Variants in ARHGAP20 observed in about 807,000 individuals in gnomAD.
ARHGAP20 encodes rho GTPase-activating protein 20.
In ARHGAP20, 34 loss-of-function variants were observed where a neutral mutation model predicts 73.7. That is an observed-to-expected ratio of 0.46 (90% CI 0.35 to 0.61). ARHGAP20 has a LOEUF of 0.61. ARHGAP20 is among the 20% of genes least tolerant of loss of function. The pLI is 0.00. For synonymous variants in ARHGAP20, 523 were observed against 518.2 expected (o/e 1.01, Z -0.13); for missense variants, 1,314 against 1,420.9 (o/e 0.92, Z 1.21).
intron 4 of ARHGAP20, among the ~76,000 whole-genome samples, chr11:110,616,889 T>G (rs1948496579): frequency 6.6e-6 from 1 of 152,118 alleles, no homozygotes; most frequent in African/African-American, 2.4e-5. Context: ...TAAAGAAAAT[T>G]GCCCCTTTAA....
chr11:110,678,730 C>G (rs141413743), intron 2 of ARHGAP20, among the ~76,000 whole-genome samples: 1 of 152,142 alleles, frequency 6.6e-6, no homozygotes, highest in African/African-American at 2.4e-5. Flanking sequence ...GGCACAATCA[C>G]GGCTCACTGC....
rs529193753 is a variant in ARHGAP20 at position 110,637,818 on chromosome 11, C to A, written c.189-7026G>T. ...TGGCTAGGAAAATTCCTTGGAGGAA[C>A]CAAAGTCTAAAGGATGAACAGAGAG... On this transcript the variant is annotated intron_variant, in intron 2 of 14. Transcript: ENST00000683387. Among the ~76,000 whole-genome samples the A allele has an allele frequency of 5.9e-5, 9 of 152,112 alleles. No homozygotes were observed. In the East Asian group the frequency reaches 1.5e-3, roughly 26 times the overall value.
At chr11:110,657,898 A>T (rs1397815320) in intron 2 of ARHGAP20, among the ~76,000 whole-genome samples, 1 of 148,870 alleles carries the variant, frequency 6.7e-6, no homozygotes, top group African/African-American at 2.5e-5. Flanking sequence ...CCGACAAAAA[A>T]AAAAAGAAAG....
chr11:110,664,727 C>CAATAAAA (rs1949687485), intron 2 of ARHGAP20, among the ~76,000 whole-genome samples: 1 of 88,338 alleles, frequency 1.1e-5, no homozygotes. Flanking sequence ...GACTCCGTCT[C>CAATAAAA]AAAAAAAAAA....
intron 2 of ARHGAP20, among the ~76,000 whole-genome samples, chr11:110,680,285 G>C (rs1263804556): frequency 6.6e-6 from 1 of 152,070 alleles, no homozygotes; most frequent in Non-Finnish European, 1.5e-5. Context: ...ACCCAAAAAA[G>C]AATGGCTACA....
intron 2 of ARHGAP20, among the ~76,000 whole-genome samples, chr11:110,684,646 C>T (rs1950097313): frequency 6.6e-6 from 1 of 152,016 alleles, no homozygotes; most frequent in Non-Finnish European, 1.5e-5. Flanking sequence ...TTTACAATAG[C>T]AAAATCATGG....
At position 110,609,033 on chromosome 11, in the gene ARHGAP20, G is replaced by A. The variant is rs747144780; in HGVS notation, c.726C>T (p.Tyr242=). 6.2e-7 allele frequency: 1 copy of A among 1,613,312 alleles called. No individual in the cohort carries two copies. Among genetic ancestry groups the A allele is most frequent in the Admixed American group, 1.7e-5 (1 of 59,980 alleles). The change falls in exon 8 of 15, where the codon TAC becomes TAT. Residue 242 remains tyrosine (Y), a synonymous_variant. Transcript: ENST00000683387. ...CTTTGCCAGAATTGACCCACAACTG[G>A]TAATCTCTCTCAGAGCCCTTAGAGA... The part of the protein sequence containing the change: ...MLGITGSERD[Y]QLWVNSGKEE...
At chr11:110,608,367 G>A (rs1434238772) in intron 8 of ARHGAP20, among the ~76,000 whole-genome samples, 1 of 152,062 alleles carries the variant, frequency 6.6e-6, no homozygotes, top group Non-Finnish European at 1.5e-5. Flanking sequence ...CTTAAATAAG[G>A]TAAAATGGAA....
chr11:110,632,711 A>G (rs1256484619), intron 2 of ARHGAP20, among the ~76,000 whole-genome samples: 1 of 152,162 alleles, frequency 6.6e-6, no homozygotes, highest in Non-Finnish European at 1.5e-5. Flanking sequence ...GCCTTTAATT[A>G]GGATTTTAAT....
chr11:110,587,491 A>G (rs1947701371), intron 11 of ARHGAP20, among the ~76,000 whole-genome samples: 1 of 152,216 alleles, frequency 6.6e-6, no homozygotes, highest in Non-Finnish European at 1.5e-5. Context: ...TAACAGTAAT[A>G]TAGAAGCTGT....
intron 12 of ARHGAP20, among the ~76,000 whole-genome samples, chr11:110,584,646 G>A (rs1947573026): frequency 6.6e-6 from 1 of 151,836 alleles, no homozygotes; most frequent in Non-Finnish European, 1.5e-5. Context: ...TGCTTCTATG[G>A]GGCCCTAAGA....
At chr11:110,686,686 A>G (rs961205311) in intron 2 of ARHGAP20, among the ~76,000 whole-genome samples, 1 of 152,118 alleles carries the variant, frequency 6.6e-6, no homozygotes, top group Non-Finnish European at 1.5e-5. Context: ...ATCTATAAAG[A>G]TGATAGCTCT....
rs767529682 is a variant in ARHGAP20, at chr11:110,590,679, T to A, written c.1274A>T (p.Glu425Val). Residue 425 changes from glutamate to valine, a missense_variant, in exon 11 of 15, where the codon GAA becomes GTA. Physicochemically the swap from Glu to Val is moderately radical, Grantham distance 121. Coordinates refer to ENST00000683387, the MANE Select transcript of ARHGAP20 (RefSeq NM_001384657.1). ...NSGVEVHLDC[E>V]SIFVIASVLK... ...GACAGATGCTATCACAAAAATAGAT[T>A]CACAGTCTAGGTGTACTTCGACTCC... The A allele has an allele frequency of 6.2e-7, 1 of 1,613,900 alleles. No homozygotes were observed. Among genetic ancestry groups the A allele is most frequent in the Non-Finnish European group, 8.5e-7 (1 of 1,179,928 alleles).
chr11:110,670,912 T>G (rs1030189926), intron 2 of ARHGAP20, among the ~76,000 whole-genome samples: 2 of 152,020 alleles, frequency 1.3e-5, no homozygotes, highest in African/African-American at 4.8e-5. Context: ...ACTCACAGTT[T>G]AGAAAAACTA....
chr11:110,621,391 A>G (rs1381219428), intron 4 of ARHGAP20, among the ~76,000 whole-genome samples: 3 of 151,864 alleles, frequency 2.0e-5, no homozygotes, highest in East Asian at 1.9e-4. Flanking sequence ...TGACATGTAT[A>G]TTATACTTTT....
At chr11:110,691,066 G>A in intron 1 of ARHGAP20, 1 of 1,355,050 alleles carries the variant, frequency 7.4e-7, no homozygotes, top group Admixed American at 2.6e-5. Flanking sequence ...GTAAAGGAGA[G>A]GAAAAAACAG....
chr11:110,619,696 T>TA, intron 4 of ARHGAP20, among the ~76,000 whole-genome samples: 1 of 151,640 alleles, frequency 6.6e-6, no homozygotes, highest in East Asian at 1.9e-4. Flanking sequence ...TATGTAGTGA[T>TA]AGAGTATATA....
Position 110,580,381 on chromosome 11 carries a change from G to A in ARHGAP20, c.2565C>T (p.Arg855=). The A allele has an allele frequency of 1.9e-6, 3 of 1,614,228 alleles. No individual in the cohort carries two copies. The highest frequency in any genetic ancestry group is 2.5e-6 in the Non-Finnish European group (3 of 1,180,046). ...AAATTCCCCTGAGATAGGTCAGCTT[G>A]CGGTTCTGGTCTTCTATGTTGGGCT... is the stretch of plus-strand genomic sequence containing the variant. ...CSEPNIEDQN[R]KLTYLRGIYS... is the part of the protein sequence containing the mutation. Residue 855 remains arginine, a synonymous_variant, in exon 15 of 15, where the codon CGC becomes CGT. Transcript: ENST00000683387.
At chr11:110,654,437 A>G (rs961972670) in intron 2 of ARHGAP20, among the ~76,000 whole-genome samples, 1 of 152,222 alleles carries the variant, frequency 6.6e-6, no homozygotes, top group Non-Finnish European at 1.5e-5. Flanking sequence ...TAAATAACAA[A>G]TGTCTTAATT....
Sources: gnomAD v4.1 joint callset for allele counts (sites outside exome capture counted in the v4.1 genomes callset) on GRCh38, gnomAD v4.1.1 for gene constraint, MANE v1.5 for transcripts, NCBI Gene and HGNC (gene_info 2026-07-23, HGNC 2026-07-21) for gene names.